Variants in NOMO2 observed in about 807,000 individuals in gnomAD.
The protein encoded by NOMO2 is BOS complex subunit NOMO2.
NOMO2 carries 14 observed loss-of-function variants against 67.1 expected under a neutral mutation model. That is an observed-to-expected ratio of 0.21 (90% CI 0.14 to 0.33). The LOEUF (loss-of-function observed/expected upper bound fraction) is 0.33. Among genes scored for constraint, NOMO2 ranks in the 10% least tolerant of loss-of-function variants. NOMO2 has a pLI of 1.00. For synonymous variants in NOMO2, 80 were observed against 305.9 expected, an observed-to-expected ratio of 0.26 and a Z score of 7.71; for missense variants, 178 against 761.0, an observed-to-expected ratio of 0.23 and a Z score of 9.01.
chr16:18,532,366 CA>C (rs1901323675), intron 12 of NOMO2, among the ~76,000 whole-genome samples: 1 of 90,156 alleles, frequency 1.1e-5, no homozygotes, highest in African/African-American at 3.7e-5. Flanking sequence ...TGCTCTTCCA[CA>C]GGGAGGAAGG....
chr16:18,543,464 A>T (rs368892013), intron 7 of NOMO2, among the ~76,000 whole-genome samples, 153 bp downstream of exon 7: 6 of 150,804 alleles, frequency 4.0e-5, no homozygotes, highest in Admixed American at 2.7e-4. Flanking sequence ...TACAGGCATG[A>T]GCTACCACAC....
intron 14 of NOMO2, among the ~76,000 whole-genome samples, chr16:18,530,606 CT>C (rs1476168791): frequency 6.8e-6 from 1 of 147,426 alleles, no homozygotes; most frequent in African/African-American, 2.5e-5. Flanking sequence ...AACTTTACTT[CT>C]TTTAGTCTTA....
intron 2 of NOMO2, among the ~76,000 whole-genome samples, chr16:18,556,399 C>T (rs1901904279): frequency 1.3e-5 from 2 of 150,908 alleles, no homozygotes; most frequent in South Asian, 2.1e-4. Flanking sequence ...GCCGAGATCG[C>T]GCCACTGCAC....
At chr16:18,560,862 G>C (rs993024678) in intron 1 of NOMO2, among the ~76,000 whole-genome samples, 36 of 151,370 alleles carry the variant, frequency 2.4e-4, no homozygotes, top group African/African-American at 8.5e-4. Flanking sequence ...CCCTGGAACA[G>C]CTCAAAGGTG....
At chr16:18,544,396 A>G (rs1767264667) in intron 6 of NOMO2, among the ~76,000 whole-genome samples, 2 of 152,152 alleles carry the variant, frequency 1.3e-5, no homozygotes, top group South Asian at 4.2e-4. Flanking sequence ...AATGATATAC[A>G]GTGTTAACTG....
At chr16:18,536,556 G>T (rs1901428033) in intron 11 of NOMO2, among the ~76,000 whole-genome samples, 1 of 151,844 alleles carries the variant, frequency 6.6e-6, no homozygotes, top group Non-Finnish European at 1.5e-5. Context: ...TTCCCAAGTT[G>T]CCCAGGCTGG....
Position 18,543,648 on chromosome 16 carries a change from A to G in NOMO2, c.704T>C (p.Phe235Ser). The change falls in exon 7 of 31, where the codon TTT (phenylalanine) becomes TCT (serine). Residue 235 changes from phenylalanine to serine, a missense_variant. Phe to Ser is a radical substitution (Grantham distance 155). Transcript: ENST00000622306. ...AGTTACTAAAGAAGAAAAGAGAAGA[A>G]ACTTCACCCCTTTCATGGGCTCCCC... ...SDGEPMKGVK[F>S]LLFSSLVTKE... The G allele has an allele frequency of 6.2e-7, 1 of 1,611,784 alleles. No homozygotes were observed.
rs556567820 is a variant in NOMO2, at chr16:18,528,864, G to A, written c.1806+637C>T. Among the ~76,000 whole-genome samples, 9 of 148,940 alleles carry A rather than the reference G, an allele frequency of 6.0e-5. No homozygotes were observed. The East Asian group carries it at 9.8e-4, about 16-fold the overall frequency. The stretch of plus-strand genomic sequence containing the variant: ...GCACCTCTAGTCCCAGCTACTCGGG[G>A]GGCTGAAGCAGGAGAATCGCTTGAA... On this transcript the variant is annotated intron_variant, in intron 15 of 30. Coordinates refer to ENST00000622306, the MANE Select transcript of NOMO2 (RefSeq NM_173614.4).
Position 18,561,665 on chromosome 16 carries a change from C to T in NOMO2, c.165+211G>A, listed in dbSNP as rs957598006. 7.1e-4 allele frequency among the ~76,000 whole-genome samples: 107 copies of T among 150,936 alleles called. 2 individuals carry two copies. The highest frequency in any genetic ancestry group is 2.1e-3 in the African/African-American group (86 of 40,808). ...TTTGAAGAACCTGAGGTCTGGCACC[C>T]CTCAGTCCTTAGACGACCCCATGAT... On this transcript the variant is annotated intron_variant, in intron 1 of 30. Coordinates refer to ENST00000622306, the MANE Select transcript of NOMO2 (RefSeq NM_173614.4).
At chr16:18,558,829 T>C (rs372933074) in intron 1 of NOMO2, 7 of 455,516 alleles carry the variant, frequency 1.5e-5, no homozygotes, top group East Asian at 6.9e-5. Flanking sequence ...TTGTACAGAT[T>C]CACATCAATG....
intron 1 of NOMO2, chr16:18,558,732 C>G (rs1277732620): frequency 2.4e-6 from 1 of 420,526 alleles, no homozygotes; most frequent in East Asian, 7.2e-5. Context: ...CAAATGCCAT[C>G]TGAGTCTTCC....
At position 18,531,521 on chromosome 16, in the gene NOMO2, C is replaced by T. The variant is rs1901298866; in HGVS notation, c.1482G>A (p.Met494Ile). 6.2e-7 allele frequency: 1 copy of T among 1,605,098 alleles called. No homozygotes were observed. Among genetic ancestry groups the T allele is most frequent in the Non-Finnish European group, 8.5e-7 (1 of 1,177,014 alleles). The change falls in exon 13 of 31, where the codon ATG becomes ATA. Residue 494 changes from methionine (M) to isoleucine (I), a missense_variant. Physicochemically the swap from Met to Ile is conservative, Grantham distance 10. Coordinates refer to ENST00000622306, the MANE Select transcript of NOMO2 (RefSeq NM_173614.4). ...FPLTVTDRPV[M>I]DVAFVQFLAS... is the part of the protein sequence containing the mutation. The stretch of plus-strand genomic sequence containing the variant: ...CCAAGAACTGTACAAAGGCCACATC[C>T]ATCACGGGCCTGTCGGTCACAGTAA...
chr16:18,558,013 C>G (rs1164677927), intron 1 of NOMO2, among the ~76,000 whole-genome samples: 2 of 151,854 alleles, frequency 1.3e-5, no homozygotes, highest in East Asian at 3.9e-4. Flanking sequence ...CAGCCTATTA[C>G]AATGCCTTAT....
chr16:18,529,014 T>TCAG (rs1901226667), intron 15 of NOMO2, among the ~76,000 whole-genome samples: 1 of 40,856 alleles, frequency 2.4e-5, no homozygotes, highest in African/African-American at 9.5e-5. Context: ...TATATATATA[T>TCAG]ATATATATAT....
At chr16:18,528,739 G>T (rs1244349793) in intron 15 of NOMO2, among the ~76,000 whole-genome samples, 1 of 151,164 alleles carries the variant, frequency 6.6e-6, no homozygotes, top group African/African-American at 2.4e-5. Context: ...TGGATCCCCT[G>T]AGGTCAGGAG....
chr16:18,552,300 TC>T (rs1901804874), intron 3 of NOMO2, among the ~76,000 whole-genome samples: 2 of 118,730 alleles, frequency 1.7e-5, no homozygotes, highest in Admixed American at 9.7e-5. Context: ...TTTTTCAATA[TC>T]AGCAATTAAC....
At position 18,548,071 on chromosome 16, in the gene NOMO2, T is replaced by C. The variant is rs535695939; in HGVS notation, c.510-771A>G. Among the ~76,000 whole-genome samples the C allele has an allele frequency of 1.8e-4, 21 of 115,996 alleles. 1 individual carries two copies. In the East Asian group the frequency reaches 3.7e-3, roughly 20 times the overall value. The allele number at this position is 115,996 out of a possible 152,430, so 76.1% of individuals were successfully genotyped here. A position where few individuals can be genotyped will look rare whatever the true frequency, so the allele number is the denominator to read the frequency against. On this transcript the variant is annotated intron_variant, in intron 5 of 30. Coordinates refer to ENST00000622306, the MANE Select transcript of NOMO2 (RefSeq NM_173614.4). The stretch of plus-strand genomic sequence containing the variant: ...ACGCATTTGATTTCTTCTTCTGTGG[T>C]ATTTTATTGTATCAAATCTTGCCTG...
chr16:18,535,316 C>A (rs1165480758), intron 11 of NOMO2, among the ~76,000 whole-genome samples: 2 of 149,400 alleles, frequency 1.3e-5, no homozygotes, highest in African/African-American at 4.9e-5. Flanking sequence ...GACCCTGTCT[C>A]AAAAAAAAAT....
chr16:18,535,249 G>A (rs1323537142), intron 11 of NOMO2, among the ~76,000 whole-genome samples: 4 of 149,978 alleles, frequency 2.7e-5, no homozygotes, highest in Non-Finnish European at 4.4e-5. Context: ...CCCGAGAGGC[G>A]GAGGCTGCAG....
Sources: gnomAD v4.1 joint callset for allele counts (sites outside exome capture counted in the v4.1 genomes callset) on GRCh38, gnomAD v4.1.1 for gene constraint, MANE v1.5 for transcripts, NCBI Gene and HGNC (gene_info 2026-07-23, HGNC 2026-07-21) for gene names.